NTM: variants seen among roughly 807,000 people sequenced by gnomAD.
NTM encodes neurotrimin.
NTM carries 13 observed loss-of-function variants against 42.1 expected under a neutral mutation model. The ratio of observed to expected loss-of-function variants is 0.31; its 90% CI spans 0.20 to 0.49. The LOEUF is 0.49. NTM is among the 20% of genes least tolerant of loss of function. NTM has a pLI of 0.99. For missense variants in NTM, 373 were observed against 452.8 expected, an observed-to-expected ratio of 0.82 and a Z score of 1.60; for synonymous variants, 187 against 179.2, an observed-to-expected ratio of 1.04 and a Z score of -0.35.
chr11:132,020,030 T>A (rs1429011750), intron 2 of NTM, among the ~76,000 whole-genome samples: 1 of 152,078 alleles, frequency 6.6e-6, no homozygotes, highest in Admixed American at 6.5e-5. Flanking sequence ...TATTCCCATC[T>A]TTATGTCCAT....
intron 1 of NTM, among the ~76,000 whole-genome samples, chr11:131,461,162 C>CT (rs1951338779): frequency 6.6e-6 from 1 of 152,224 alleles, no homozygotes; most frequent in African/African-American, 2.4e-5. Context: ...GAACCAGAAT[C>CT]TACGGGTATG....
At chr11:131,395,929 C>T (rs1410756776) in intron 1 of NTM, among the ~76,000 whole-genome samples, 1 of 152,180 alleles carries the variant, frequency 6.6e-6, no homozygotes, top group Non-Finnish European at 1.5e-5. Context: ...TACCTTTGGC[C>T]TCCCAAGGCT....
intron 1 of NTM, chr11:131,534,803 G>T (rs2051886033): frequency 6.6e-6 from 1 of 152,252 alleles, no homozygotes; most frequent in Non-Finnish European, 1.5e-5. Context: ...CTAAGGCCAA[G>T]CCAGGCTGCT....
At chr11:131,769,887 C>T (rs2085763481) in intron 1 of NTM, among the ~76,000 whole-genome samples, 1 of 152,216 alleles carries the variant, frequency 6.6e-6, no homozygotes, top group African/African-American at 2.4e-5. Flanking sequence ...AGCTTTGCCG[C>T]TGGTAATGAA....
intron 1 of NTM, among the ~76,000 whole-genome samples, chr11:131,564,853 A>G (rs1229321420): frequency 6.7e-6 from 1 of 149,568 alleles, no homozygotes; most frequent in African/African-American, 2.5e-5. Context: ...TCACATGCAC[A>G]CACATACACA....
At chr11:132,189,637 C>T (rs1001062291) in intron 3 of NTM, among the ~76,000 whole-genome samples, 3 of 125,342 alleles carry the variant, frequency 2.4e-5, no homozygotes, top group African/African-American at 9.4e-5. Flanking sequence ...TGATTCACGG[C>T]AGATACACAC....
Position 131,620,329 on chromosome 11 carries a change from C to T in NTM, c.82+249441C>T, listed in dbSNP as rs186963014. ...TCTTCTTTAAAATCCCTTTCCTGGT[C>T]TTCCTACCTCTTCCCATCTCCCTTC... is the stretch of plus-strand genomic sequence containing the variant. On this transcript the variant is annotated intron_variant, in intron 1 of 8. Transcript: ENST00000683400. Among the ~76,000 whole-genome samples, 220 of 152,290 alleles carry T rather than the reference C, an allele frequency of 1.4e-3. 2 individuals are homozygous for T. The highest frequency in any genetic ancestry group is 7.7e-4 in the East Asian group (4 of 5,178).
chr11:131,910,420 T>TGCACAGCCTGGGCCCGGC (rs1285482310), intron 1 of NTM, among the ~76,000 whole-genome samples: 5 of 147,740 alleles, frequency 3.4e-5, no homozygotes, highest in Non-Finnish European at 7.7e-5. Context: ...GCTGGGCTGG[T>TGCACAGCCTGGGCCCGGC]GCACAGCCTG....
intron 1 of NTM, among the ~76,000 whole-genome samples, chr11:131,520,148 C>A (rs2049433757): frequency 6.6e-6 from 1 of 152,194 alleles, no homozygotes; most frequent in South Asian, 2.1e-4. Flanking sequence ...TAAAACATCA[C>A]ATTTCTAAGT....
chr11:131,819,963 C>T (rs142231604), intron 1 of NTM, among the ~76,000 whole-genome samples: 2,937 of 152,244 alleles, frequency 0.019, 89 homozygotes, highest in African/African-American at 0.066. Context: ...CACTCGCCTT[C>T]GTGGCACAGG....
At chr11:131,634,709 G>T (rs1352876864) in intron 1 of NTM, among the ~76,000 whole-genome samples, 1 of 150,914 alleles carries the variant, frequency 6.6e-6, no homozygotes, top group Non-Finnish European at 1.5e-5. Flanking sequence ...TCCAGTCTTT[G>T]TGAACTTTGT....
chr11:131,790,632 G>T (rs1323460637), intron 1 of NTM, among the ~76,000 whole-genome samples: 1 of 152,056 alleles, frequency 6.6e-6, no homozygotes, highest in African/African-American at 2.4e-5. Flanking sequence ...CTTCACCTGG[G>T]GTCCTCACAG....
intron 2 of NTM, chr11:131,984,342 C>G (rs2065737672): frequency 6.6e-6 from 1 of 152,200 alleles, no homozygotes; most frequent in African/African-American, 2.4e-5. Flanking sequence ...ATGGGATTAT[C>G]ACAGTAAAAC....
chr11:132,298,962 T>G (rs2094730340), intron 4 of NTM, among the ~76,000 whole-genome samples: 1 of 152,170 alleles, frequency 6.6e-6, no homozygotes, highest in Non-Finnish European at 1.5e-5. Context: ...GAATCTATAT[T>G]TATTGCTTTA....
chr11:131,751,418 G>A (rs1430576541), intron 1 of NTM, among the ~76,000 whole-genome samples: 4 of 151,854 alleles, frequency 2.6e-5, no homozygotes, highest in Admixed American at 2.6e-4. Context: ...GTGAAACCCC[G>A]TCTCCATTAA....
chr11:132,142,779 G>A lies in NTM; in HGVS notation c.168-3503G>A, dbSNP rs1187759926. On this transcript the variant is annotated intron_variant, in intron 2 of 8. Transcript: ENST00000683400. The stretch of plus-strand genomic sequence containing the variant: ...TACATCACAGGAGCCGCAGAACCAT[G>A]CTGGAAATTGGCTGCGTTCTGAGTG... Among the ~76,000 whole-genome samples the A allele has an allele frequency of 2.0e-5, 3 of 152,298 alleles. No individual in the cohort carries two copies. In the East Asian group the frequency reaches 5.8e-4, roughly 29 times the overall value.
At chr11:132,280,475 CTTTTTTTTTTTT>C (rs138697534) in intron 4 of NTM, among the ~76,000 whole-genome samples, 43 of 82,438 alleles carry the variant, frequency 5.2e-4, no homozygotes, top group South Asian at 5.3e-4. Context: ...ATACTCTCTT[CTTTTTTTTTTTT>C]TTTTTTTTTT....
At chr11:132,116,580 T>C (rs552761110) in intron 2 of NTM, among the ~76,000 whole-genome samples, 22 of 152,286 alleles carry the variant, frequency 1.4e-4, no homozygotes, top group Non-Finnish European at 2.8e-4. Flanking sequence ...GTAGTAACTA[T>C]AGGGTGTCCT....
rs529318869 is a variant in NTM, at chr11:131,897,879, C to T, written c.83-13685C>T. On this transcript the variant is annotated intron_variant, in intron 1 of 8. Transcript: ENST00000683400. Reference sequence around the variant, plus strand: ...TTAACAGAATTCTTGGCATTTGTGTCGTGTCAATTTCCATGTAATTATGCT... The same window carrying T: ...TTAACAGAATTCTTGGCATTTGTGTTGTGTCAATTTCCATGTAATTATGCT... Among the ~76,000 whole-genome samples, 24 of 152,248 alleles carry T rather than the reference C, an allele frequency of 1.6e-4. No individual in the cohort carries two copies. In the South Asian group the frequency reaches 1.7e-3, roughly 11 times the overall value.
Sources: allele counts gnomAD v4.1 joint callset (sites outside exome capture counted in the v4.1 genomes callset), GRCh38; gene constraint gnomAD v4.1.1; transcripts MANE v1.5; gene names NCBI Gene and HGNC (gene_info 2026-07-23, HGNC 2026-07-21).